Variants in NINJ2 observed in about 807,000 individuals in gnomAD.
NINJ2 encodes ninjurin 2, also known as ninjurin-2.
Under a neutral mutation model 11.7 loss-of-function variants are expected in NINJ2, and 12 were observed. That is an observed-to-expected ratio of 1.02 (90% CI 0.66 to 1.66). The LOEUF (loss-of-function observed/expected upper bound fraction) is 1.66. Ranked by LOEUF, NINJ2 falls within the 40% of genes most tolerant of loss-of-function variation. The pLI, the probability that NINJ2 is intolerant of heterozygous loss-of-function variation, is 0.00. For synonymous variants in NINJ2, 93 were observed against 76.8 expected, an observed-to-expected ratio of 1.21 and a Z score of -1.10; for missense variants, 187 against 181.8, an observed-to-expected ratio of 1.03 and a Z score of -0.16.
chr12:634,280 T>TTTTTTTTTTTTTTC (rs1948319164), intron 1 of NINJ2, among the ~76,000 whole-genome samples: 1 of 133,462 alleles, frequency 7.5e-6, no homozygotes, highest in Non-Finnish European at 1.6e-5. Context: ...TTTTTTTTTT[T>TTTTTTTTTTTTTTC]TTTTTTTTTT....
At chr12:603,165 T>A (rs745424907) in intron 1 of NINJ2, among the ~76,000 whole-genome samples, 1 of 152,244 alleles carries the variant, frequency 6.6e-6, no homozygotes, top group African/African-American at 2.4e-5. Flanking sequence ...TATATTTTCT[T>A]GCTGGCTAAT....
At chr12:631,117 A>G (rs1948275577) in intron 1 of NINJ2, 2 of 152,042 alleles carry the variant, frequency 1.3e-5, no homozygotes, top group African/African-American at 4.8e-5. Flanking sequence ...CTCATTTTCT[A>G]TTTCTAACTC....
At chr12:568,503 G>A (rs564110017) in intron 1 of NINJ2, among the ~76,000 whole-genome samples, 1 of 152,318 alleles carries the variant, frequency 6.6e-6, no homozygotes, top group South Asian at 2.1e-4. Flanking sequence ...GGGTGGTCAT[G>A]GGTGCTAACA....
chr12:577,425 A>ATACATATATG (rs1555161802), intron 1 of NINJ2, among the ~76,000 whole-genome samples: 1 of 121,796 alleles, frequency 8.2e-6, no homozygotes, highest in Non-Finnish European at 1.8e-5. Context: ...TCATATATAT[A>ATACATATATG]TATACATATA....
At chr12:648,728 T>C (rs984759168) in intron 1 of NINJ2, among the ~76,000 whole-genome samples, 8 of 152,210 alleles carry the variant, frequency 5.3e-5, no homozygotes, top group African/African-American at 1.9e-4. Context: ...AAACCAAATT[T>C]GGCCTTCAGG....
At position 615,973 on chromosome 12, in the gene NINJ2, T is replaced by G. The variant is rs2120358721; in HGVS notation, c.33+47355A>C. Among the ~76,000 whole-genome samples the G allele has an allele frequency of 4.0e-5, 6 of 151,686 alleles. 1 individual carries two copies. The South Asian group carries it at 1.3e-3, about 32-fold the overall frequency. On this transcript the variant is annotated intron_variant, in intron 1 of 3. Transcript: ENST00000305108. ...AGAGCTAGAATATCATTCCAGGGGGTTTTAGCTAGGGTGAGGGGCTGCAGA... is the reference window on the plus strand; with the variant it reads ...AGAGCTAGAATATCATTCCAGGGGGGTTTAGCTAGGGTGAGGGGCTGCAGA...
chr12:661,070 C>T (rs57952598), intron 1 of NINJ2, among the ~76,000 whole-genome samples: 2,220 of 144,814 alleles, frequency 0.015, 52 homozygotes, highest in African/African-American at 0.053. Flanking sequence ...ATTGTTTTAA[C>T]TAAAGAGTGT....
intron 1 of NINJ2, among the ~76,000 whole-genome samples, chr12:584,696 C>T (rs1050391238): frequency 6.6e-6 from 1 of 151,962 alleles, no homozygotes; most frequent in Non-Finnish European, 1.5e-5. Flanking sequence ...ATCCCAGCTG[C>T]TCAGGAGGCT....
Position 633,594 on chromosome 12 carries a change from T to C in NINJ2, c.33+29734A>G, listed in dbSNP as rs1948308845. Among the ~76,000 whole-genome samples the C allele has an allele frequency of 6.6e-6, 1 of 152,066 alleles. No homozygotes were observed. Among genetic ancestry groups the C allele is most frequent in the South Asian group, 2.1e-4 (1 of 4,810 alleles). On this transcript the variant is annotated intron_variant, in intron 1 of 3. Transcript: ENST00000305108. This position sits in a 1 kb window ranked among gnomAD's most constrained non-coding sequence, Gnocchi z 4.3. Reference sequence around the variant, plus strand: ...ACTTTGGGAGGCTGAGGCAGGCAGATCACTTGAGGCCAGGAGTTCAAGACC... The same window carrying C: ...ACTTTGGGAGGCTGAGGCAGGCAGACCACTTGAGGCCAGGAGTTCAAGACC...
chr12:586,504 C>T (rs1947640229), intron 1 of NINJ2: 1 of 152,290 alleles, frequency 6.6e-6, no homozygotes, highest in African/African-American at 2.4e-5. Context: ...GCGCAAAATA[C>T]AAAGGCCAAC....
At chr12:622,409 CAAAAA>C (rs1169331783) in intron 1 of NINJ2, among the ~76,000 whole-genome samples, 11 of 47,432 alleles carry the variant, frequency 2.3e-4, no homozygotes, top group African/African-American at 7.7e-4. Context: ...GACTCCGTCT[CAAAAA>C]AAAAAAAAAA....
intron 1 of NINJ2, chr12:643,568 C>A: frequency 1.0e-6 from 1 of 988,076 alleles, no homozygotes; most frequent in Non-Finnish European, 1.2e-6. Flanking sequence ...CATTTTAGGG[C>A]TGGAGATGAG....
chr12:643,720 C>G, intron 1 of NINJ2: 3 of 980,816 alleles, frequency 3.1e-6, no homozygotes, highest in Non-Finnish European at 2.4e-6. Context: ...GCCAAGAGGT[C>G]ACATCTTTTC....
rs894433772 is a variant in NINJ2, at chr12:585,075, C to T, written c.34-18897G>A. On this transcript the variant is annotated intron_variant, in intron 1 of 3. Coordinates refer to ENST00000305108, the MANE Select transcript of NINJ2 (RefSeq NM_016533.6). The surrounding 1 kb of genome is among the most constrained non-coding windows in gnomAD (Gnocchi z 4.1). ...CGGAGGTTGAAGTGGGCTGAGATCG[C>T]GCCACTGCGCTCCAGCCTGGGAGAC... 6.6e-6 allele frequency among the ~76,000 whole-genome samples: 1 copy of T among 152,254 alleles called. No homozygotes were observed. The highest frequency in any genetic ancestry group is 2.4e-5 in the African/African-American group (1 of 41,464).
intron 1 of NINJ2, chr12:645,860 G>A (rs1937668610): frequency 6.6e-6 from 1 of 152,146 alleles, no homozygotes; most frequent in Non-Finnish European, 1.5e-5. Context: ...TTATTAAAGA[G>A]CTTGTTTCTG....
In NINJ2 at chr12:606,406, T is replaced by C. The variant is rs73596263; in HGVS notation, c.34-40228A>G. The stretch of plus-strand genomic sequence containing the variant: ...ACATCCTAACACTGAGAGTTCAAGA[T>C]GGGCTGAACAAAGAAAAGAGAAAGG... On this transcript the variant is annotated intron_variant, in intron 1 of 3. Coordinates refer to ENST00000305108, the MANE Select transcript of NINJ2 (RefSeq NM_016533.6). 8.9e-3 allele frequency among the ~76,000 whole-genome samples: 1,359 copies of C among 152,286 alleles called. 20 individuals carry two copies. Among genetic ancestry groups the C allele is most frequent in the African/African-American group, 0.031 (1,295 of 41,562 alleles).
intron 1 of NINJ2, among the ~76,000 whole-genome samples, chr12:570,893 A>C (rs1404733881): frequency 6.6e-6 from 1 of 152,168 alleles, no homozygotes; most frequent in Non-Finnish European, 1.5e-5. Context: ...CACATCTATA[A>C]AACTGGAGGA....
chr12:637,166 TG>T (rs1349716259), intron 1 of NINJ2, among the ~76,000 whole-genome samples: 1 of 131,592 alleles, frequency 7.6e-6, no homozygotes, highest in East Asian at 2.3e-4. Flanking sequence ...CTGGCCAACA[TG>T]GTAAAACCCC....
chr12:621,303 A>C (rs77622196), intron 1 of NINJ2, among the ~76,000 whole-genome samples: 8,207 of 151,838 alleles, frequency 0.054, 273 homozygotes, highest in South Asian at 0.14. Context: ...TTAAAAAAAA[A>C]ATTAGCCAGG....
Sources: allele counts gnomAD v4.1 joint callset (sites outside exome capture counted in the v4.1 genomes callset), GRCh38; gene constraint gnomAD v4.1.1; non-coding constraint Gnocchi (gnomAD v3.1); transcripts MANE v1.5; gene names NCBI Gene and HGNC (gene_info 2026-07-23, HGNC 2026-07-21).